Variants in RAP1GAP2 observed in about 807,000 individuals in gnomAD.
RAP1GAP2 encodes the protein RAP1 GTPase activating protein 2.
In RAP1GAP2, 27 loss-of-function variants were observed where a neutral mutation model predicts 95.0. That is an observed-to-expected ratio of 0.28 (90% CI 0.21 to 0.39). RAP1GAP2 has a LOEUF of 0.39. Ranked by LOEUF, RAP1GAP2 falls within the 10% of genes least tolerant of loss-of-function variation. RAP1GAP2 has a pLI of 1.00. For missense variants in RAP1GAP2, 771 were observed against 970.0 expected (o/e 0.79, Z 2.72); for synonymous variants, 373 against 380.9 (o/e 0.98, Z 0.24).
chr17:2,808,578 C>A (rs1024140354), intron 2 of RAP1GAP2, among the ~76,000 whole-genome samples: 2 of 152,170 alleles, frequency 1.3e-5, no homozygotes, highest in African/African-American at 4.8e-5. Flanking sequence ...CCTCGCTGGC[C>A]CGGCTCGGCT....
chr17:2,900,705 G>A (rs1357872034), intron 2 of RAP1GAP2, among the ~76,000 whole-genome samples: 1 of 152,156 alleles, frequency 6.6e-6, no homozygotes, highest in Non-Finnish European at 1.5e-5. Flanking sequence ...GCCTCCCAAA[G>A]TGCTGGGATT....
chr17:2,800,534 G>T lies in RAP1GAP2; in HGVS notation c.64G>T (p.Ala22Ser), dbSNP rs1597332151. ...TGGCAGGATCGACAAGACCATGCTG[G>T]CAAGTCTGAAGGTCAAGTAAGTAGC... ...GFGWIDKTML[A>S]SLKVKKQELA... Residue 22 changes from alanine to serine, a missense_variant, in exon 2 of 25, where the codon GCA (alanine) becomes TCA (serine). Ala to Ser is a moderately conservative substitution (Grantham distance 99, BLOSUM62 1). Coordinates refer to ENST00000254695, the MANE Select transcript of RAP1GAP2 (RefSeq NM_015085.5). The T allele has an allele frequency of 6.2e-7, 1 of 1,612,976 alleles. No individual in the cohort carries two copies. The highest frequency in any genetic ancestry group is 8.5e-7 in the Non-Finnish European group (1 of 1,179,480).
intron 2 of RAP1GAP2, among the ~76,000 whole-genome samples, chr17:2,898,523 C>T (rs1304830345): frequency 6.6e-6 from 1 of 152,240 alleles, no homozygotes; most frequent in Non-Finnish European, 1.5e-5. Flanking sequence ...TGTCTGTCCC[C>T]TTGGGGCTTG....
intron 3 of RAP1GAP2, among the ~76,000 whole-genome samples, chr17:2,943,046 G>T (rs1177009968): frequency 1.3e-5 from 2 of 152,062 alleles, no homozygotes; most frequent in Non-Finnish European, 2.9e-5. Context: ...TGGGATTACA[G>T]GTGTGAACCA....
intron 12 of RAP1GAP2, among the ~76,000 whole-genome samples, chr17:2,993,375 C>G (rs2045838467): frequency 1.3e-5 from 2 of 150,590 alleles, no homozygotes; most frequent in African/African-American, 4.9e-5. Flanking sequence ...AGATTGAGAC[C>G]ATCTTGGCCA....
At chr17:2,832,088 C>G (rs1012161658) in intron 2 of RAP1GAP2, among the ~76,000 whole-genome samples, 4 of 150,988 alleles carry the variant, frequency 2.6e-5, no homozygotes, top group Admixed American at 1.3e-4. Flanking sequence ...CCTGTAATCC[C>G]AGCTACTCGG....
intron 16 of RAP1GAP2, 90 bp from the exon 17 acceptor site, chr17:3,007,921 C>T: frequency 6.9e-7 from 1 of 1,457,394 alleles, no homozygotes; most frequent in Non-Finnish European, 9.3e-7. Flanking sequence ...AGAATGTCAG[C>T]CTCCAGGCCA....
rs1180674471 is a variant in RAP1GAP2 at position 2,904,036 on chromosome 17, C to T, written c.81-1248C>T. Among the ~76,000 whole-genome samples the T allele has an allele frequency of 6.6e-6, 1 of 152,172 alleles. No homozygotes were observed. Among genetic ancestry groups the T allele is most frequent in the Admixed American group, 6.5e-5 (1 of 15,272 alleles). ...AGTGGGGGTGCTTTGATCATTTACGCAGGACCTGGGGGTTGGGCTGACTCT... is the reference window on the plus strand; with the variant it reads ...AGTGGGGGTGCTTTGATCATTTACGTAGGACCTGGGGGTTGGGCTGACTCT... On this transcript the variant is annotated intron_variant, in intron 2 of 24. Coordinates refer to ENST00000254695, the MANE Select transcript of RAP1GAP2 (RefSeq NM_015085.5). This position sits in a 1 kb window ranked among gnomAD's most constrained non-coding sequence, Gnocchi z 4.7.
chr17:2,971,408 A>G (rs1311947283), intron 8 of RAP1GAP2, among the ~76,000 whole-genome samples: 1 of 152,144 alleles, frequency 6.6e-6, no homozygotes, highest in Non-Finnish European at 1.5e-5. Context: ...ACTTAGAAAA[A>G]AATTTATTAC....
intron 1 of RAP1GAP2, among the ~76,000 whole-genome samples, chr17:2,770,077 C>CAAAAA (rs533020473): frequency 0.014 from 1,359 of 97,976 alleles, 20 homozygotes; most frequent in African/African-American, 0.042. Flanking sequence ...GGTCTCAAAA[C>CAAAAA]AAAAAAAAAA....
At chr17:2,989,483 C>CCACT (rs2045680310) in intron 11 of RAP1GAP2, among the ~76,000 whole-genome samples, 1 of 152,100 alleles carries the variant, frequency 6.6e-6, no homozygotes, top group Non-Finnish European at 1.5e-5. Context: ...CAGGCACGTG[C>CCACT]CACTATGCCC....
chr17:2,845,421 G>T (rs1217934561), intron 2 of RAP1GAP2, among the ~76,000 whole-genome samples: 1 of 152,164 alleles, frequency 6.6e-6, no homozygotes, highest in Non-Finnish European at 1.5e-5. Context: ...GGGATTACAG[G>T]CATGTAAATG....
chr17:2,974,750 T>C (rs2045035900), intron 8 of RAP1GAP2, among the ~76,000 whole-genome samples: 1 of 151,722 alleles, frequency 6.6e-6, no homozygotes, highest in African/African-American at 2.4e-5. Context: ...ATCTTAGAGT[T>C]TGATGAAAAA....
rs2072671377 is a variant in RAP1GAP2, at chr17:2,867,669, C to G, written c.81-37615C>G. Among the ~76,000 whole-genome samples the G allele has an allele frequency of 1.3e-5, 2 of 152,142 alleles. No homozygotes were observed. Among genetic ancestry groups the G allele is most frequent in the South Asian group, 2.1e-4 (1 of 4,834 alleles). ...ACCGCTGGTTCCCGGGATGCAGGGA[C>G]TTGGCTGGGAGTATAGGAGGGATGG... On this transcript the variant is annotated intron_variant, in intron 2 of 24. Transcript: ENST00000254695. The surrounding 1 kb of genome is among the most constrained non-coding windows in gnomAD (Gnocchi z 4.5).
At chr17:3,013,930 CTGT>C (rs764455723) in intron 17 of RAP1GAP2, among the ~76,000 whole-genome samples, 1 of 152,120 alleles carries the variant, frequency 6.6e-6, no homozygotes, top group Non-Finnish European at 1.5e-5. Context: ...AGACCAGATA[CTGT>C]TACACAGGAG....
chr17:2,776,048 G>C (rs969873011), upstream of RAP1GAP2, among the ~76,000 whole-genome samples: 2 of 152,168 alleles, frequency 1.3e-5, no homozygotes, highest in African/African-American at 4.8e-5. Context: ...GTATGGTGGC[G>C]GGTGCCTGTA....
In RAP1GAP2 at chr17:3,005,485, G is replaced by C. The variant is rs1412675725; in HGVS notation, c.1272+45G>C. The C allele has an allele frequency of 6.4e-7, 1 of 1,562,710 alleles. No homozygotes were observed. ...GCCCCTCTCGCATCCACGATGCCAG[G>C]TCTCAGTGCTTGAGTAGCAATGGTT... On this transcript the variant is annotated intron_variant, in intron 15 of 24. Coordinates refer to ENST00000254695, the MANE Select transcript of RAP1GAP2 (RefSeq NM_015085.5). The surrounding 1 kb of genome is among the most constrained non-coding windows in gnomAD (Gnocchi z 5.2).
In RAP1GAP2 at chr17:2,866,461, A is replaced by G. The variant is rs916060482; in HGVS notation, c.81-38823A>G. On this transcript the variant is annotated intron_variant, in intron 2 of 24. Coordinates refer to ENST00000254695, the MANE Select transcript of RAP1GAP2 (RefSeq NM_015085.5). This position sits in a 1 kb window ranked among gnomAD's most constrained non-coding sequence, Gnocchi z 4.0. Reference sequence around the variant, plus strand: ...AAAACAGAGTCAGTCAGTGTTATACATGAAACAATTCTGTAACATTTGTGT... The same window carrying G: ...AAAACAGAGTCAGTCAGTGTTATACGTGAAACAATTCTGTAACATTTGTGT... 2.4e-4 allele frequency among the ~76,000 whole-genome samples: 36 copies of G among 152,374 alleles called. No homozygotes were observed. The highest frequency in any genetic ancestry group is 3.4e-3 in the Middle Eastern group (1 of 294).
At chr17:2,833,639 G>A (rs1241559891) in intron 2 of RAP1GAP2, among the ~76,000 whole-genome samples, 3 of 139,922 alleles carry the variant, frequency 2.1e-5, no homozygotes, top group Non-Finnish European at 3.0e-5. Flanking sequence ...GCAGTGAGCC[G>A]AGATCTCGCC....
Sources: gnomAD v4.1 joint callset for allele counts (sites outside exome capture counted in the v4.1 genomes callset) on GRCh38, gnomAD v4.1.1 for gene constraint, Gnocchi (gnomAD v3.1) non-coding constraint, MANE v1.5 for transcripts, NCBI Gene and HGNC (gene_info 2026-07-23, HGNC 2026-07-21) for gene names.